The following BPHL variants were observed in gnomAD, a reference collection of about 807,000 sequenced individuals.
BPHL encodes the protein serine hydrolase BPHL.
Under a neutral mutation model 31.2 loss-of-function variants are expected in BPHL, and 27 were observed. That is an observed-to-expected ratio of 0.87 (90% CI 0.64 to 1.19). The LOEUF (loss-of-function observed/expected upper bound fraction) is 1.19. Among genes scored for constraint, BPHL ranks in the 50% most tolerant of loss-of-function variants. The pLI, the probability that BPHL is intolerant of heterozygous loss-of-function variation, is 0.00. For missense variants in BPHL, 356 were observed against 375.7 expected, an observed-to-expected ratio of 0.95 and a Z score of 0.43; for synonymous variants, 150 against 146.8, an observed-to-expected ratio of 1.02 and a Z score of -0.16.
At position 3,140,639 on chromosome 6, in the gene BPHL, C is replaced by G. The variant is rs1762150279; in HGVS notation, c.788+130C>G. 2.9e-6 allele frequency: 4 copies of G among 1,368,540 alleles called. No individual in the cohort carries two copies. The highest frequency in any genetic ancestry group is 3.0e-6 in the Non-Finnish European group (3 of 1,000,658). The allele number at this position is 1,368,540 out of a possible 1,614,324, so 84.8% of individuals were successfully genotyped here. A position where few individuals can be genotyped will look rare whatever the true frequency, so the allele number is the denominator to read the frequency against. On this transcript the variant is annotated intron_variant, in intron 6 of 6. Transcript: ENST00000380379. This position sits in a 1 kb window ranked among gnomAD's most constrained non-coding sequence, Gnocchi z 5.2. ...CAGCCCCCCTTTTGCCAATGCCAGT[C>G]AGTAGCACCGCTTTATTTAGGGTAC...
chr6:3,146,022 CCGAGTGCTGGTTCGGGT>C (rs1762337935), intron 6 of BPHL, among the ~76,000 whole-genome samples: 1 of 3,930 alleles, frequency 2.5e-4, no homozygotes, highest in African/African-American at 1.3e-3. Flanking sequence ...TGGTTCGGGT[CCGAGTGCTGGTTCGGGT>C]GGAGTGCTGG....
intron 1 of BPHL, among the ~76,000 whole-genome samples, chr6:3,121,291 C>CTTTTTT (rs67332286): frequency 1.5e-4 from 12 of 80,394 alleles, no homozygotes; most frequent in East Asian, 4.5e-4. Flanking sequence ...ATAGCAGTTT[C>CTTTTTT]TTTTTTTTTT....
chr6:3,134,155 A>G (rs991110290), intron 4 of BPHL, among the ~76,000 whole-genome samples: 1 of 152,236 alleles, frequency 6.6e-6, no homozygotes, highest in South Asian at 2.1e-4. Context: ...GTTTTTTGTT[A>G]TGTAATAATT....
chr6:3,121,402 C>T lies in BPHL; in HGVS notation c.108-2255C>T, dbSNP rs368141225. ...GTAATCTTCACCTCCCAGGTTCCAGCGATTCCCCTGCCTCAGCCTTCTGAG... is the reference window on the plus strand; with the variant it reads ...GTAATCTTCACCTCCCAGGTTCCAGTGATTCCCCTGCCTCAGCCTTCTGAG... On this transcript the variant is annotated intron_variant, in intron 1 of 6. Transcript: ENST00000380379. 1.0e-4 allele frequency among the ~76,000 whole-genome samples: 15 copies of T among 148,400 alleles called. No homozygotes were observed. The South Asian group carries it at 2.9e-3, about 29-fold the overall frequency.
At chr6:3,129,297 G>C in intron 4 of BPHL, 99 bp downstream of exon 4, 2 of 1,373,102 alleles carry the variant, frequency 1.5e-6, no homozygotes, top group Middle Eastern at 2.7e-4. Flanking sequence ...CACATCTCTC[G>C]TGCTTCTAGT....
intron 6 of BPHL, among the ~76,000 whole-genome samples, chr6:3,143,073 G>C (rs1270244200): frequency 1.3e-5 from 2 of 152,092 alleles, no homozygotes; most frequent in Admixed American, 1.3e-4. Context: ...ACAAAAATTA[G>C]CCAGACATGG....
chr6:3,146,522 CG>C (rs1762373115), intron 6 of BPHL, among the ~76,000 whole-genome samples: 1 of 13,278 alleles, frequency 7.5e-5, no homozygotes, highest in Non-Finnish European at 1.4e-4. Flanking sequence ...TGGTGTGGGT[CG>C]GAGTGCTGGT....
intron 6 of BPHL, among the ~76,000 whole-genome samples, chr6:3,151,181 G>A (rs180768791): frequency 6.6e-6 from 1 of 152,178 alleles, no homozygotes; most frequent in African/African-American, 2.4e-5. Flanking sequence ...TAGCCTATAC[G>A]TGACCTTCTA....
intron 6 of BPHL, among the ~76,000 whole-genome samples, chr6:3,145,910 TGGGTTGGAGTGCTGGTTC>T (rs1762331804): frequency 1.7e-5 from 1 of 60,558 alleles, no homozygotes; most frequent in African/African-American, 6.2e-5. Flanking sequence ...AGTGCTGGTT[TGGGTTGGAGTGCTGGTTC>T]GGGTTGGAGT....
intron 6 of BPHL, 85 bp from the exon 7 acceptor site, chr6:3,152,403 A>G (rs767830154): frequency 2.0e-5 from 23 of 1,141,284 alleles, no homozygotes; most frequent in Non-Finnish European, 3.0e-5. Context: ...TTCACTTTAG[A>G]TGTTTGTGAA....
In BPHL at chr6:3,140,398, G is replaced by C; in HGVS notation, c.677G>C (p.Arg226Pro). 1 of 1,614,034 alleles carries C rather than the reference G, an allele frequency of 6.2e-7. No homozygotes were observed. Among genetic ancestry groups the C allele is most frequent in the South Asian group, 1.1e-5 (1 of 91,068 alleles). The change falls in exon 6 of 7, where the codon CGG becomes CCG. Residue 226 changes from arginine to proline, a missense_variant. By Grantham distance (103) the Arg-to-Pro change is moderately radical. Coordinates refer to ENST00000380379, the MANE Select transcript of BPHL (RefSeq NM_004332.4). This position sits in a 1 kb window ranked among gnomAD's most constrained non-coding sequence, Gnocchi z 5.2. ...GTGTATCCGTCAGGTAACATCTGCCGGCACCTGCTGCCCCGGGTCCAGTGC... is the reference window on the plus strand; with the variant it reads ...GTGTATCCGTCAGGTAACATCTGCCCGCACCTGCTGCCCCGGGTCCAGTGC... The part of the protein sequence containing the change: ...FKHLPDGNIC[R>P]HLLPRVQCPA...
At chr6:3,145,752 T>C (rs1485165679) in intron 6 of BPHL, among the ~76,000 whole-genome samples, 1 of 45,016 alleles carries the variant, frequency 2.2e-5, no homozygotes, top group African/African-American at 8.7e-5. Flanking sequence ...AGTGCTGGTT[T>C]GGGTCGAGTG....
rs1174117881 is a variant in BPHL at position 3,129,090 on chromosome 6, G to A, written c.424G>A (p.Gly142Ser). Residue 142 changes from glycine to serine, a missense_variant, in exon 4 of 7, where the codon GGC (glycine) becomes AGC (serine). Coordinates refer to ENST00000380379, the MANE Select transcript of BPHL (RefSeq NM_004332.4). ...KVSLLGWSDG[G>S]ITALIAAAKY... Reference sequence around the variant, plus strand: ...TTCTCTGCTGGGGTGGAGTGATGGGGGCATAACCGCACTCATTGCTGCTGC... The same window carrying A: ...TTCTCTGCTGGGGTGGAGTGATGGGAGCATAACCGCACTCATTGCTGCTGC... 6.2e-7 allele frequency: 1 copy of A among 1,614,146 alleles called. No individual in the cohort carries two copies. The highest frequency in any genetic ancestry group is 1.7e-5 in the Admixed American group (1 of 59,998).
intron 6 of BPHL, among the ~76,000 whole-genome samples, chr6:3,147,138 G>A (rs1561801851): frequency 6.6e-6 from 1 of 152,158 alleles, no homozygotes; most frequent in Non-Finnish European, 1.5e-5. Flanking sequence ...GTATGCACCT[G>A]TAGTCCAAGC....
intron 6 of BPHL, among the ~76,000 whole-genome samples, chr6:3,144,224 C>T (rs565074965): frequency 6.6e-6 from 1 of 152,152 alleles, no homozygotes; most frequent in East Asian, 1.9e-4. Flanking sequence ...CCCACCACCA[C>T]GCCCGGCTAA....
Position 3,152,831 on chromosome 6 carries a change from A to G in BPHL, c.*256A>G. On this transcript the variant is annotated 3_prime_UTR_variant, in exon 7 of 7. Transcript: ENST00000380379. ...TGCCTGAGCCCAGGAGTTCAAGACC[A>G]GCTTGTGCAATATAGGGAGACTCCG... 1 of 343,586 alleles carries G rather than the reference A, an allele frequency of 2.9e-6. No homozygotes were observed. Among genetic ancestry groups the G allele is most frequent in the Non-Finnish European group, 5.3e-6 (1 of 188,528 alleles). The allele number at this position is 343,586 out of a possible 1,614,324, so 21.3% of individuals were successfully genotyped here. A position where few individuals can be genotyped will look rare whatever the true frequency, so the allele number is the denominator to read the frequency against.
In BPHL at chr6:3,153,020, C is replaced by T. The variant is rs532628238; in HGVS notation, c.*445C>T. 6.6e-6 allele frequency: 1 copy of T among 152,064 alleles called. No homozygotes were observed. The highest frequency in any genetic ancestry group is 2.1e-4 in the South Asian group (1 of 4,782). 9.4% of individuals were successfully genotyped at this position (152,064 alleles called of 1,614,324 possible). A position where few individuals can be genotyped will look rare whatever the true frequency, so the allele number is the denominator to read the frequency against. ...CTCCAACCTGGGCAACAGAGTAAGACCTTGTCTTAAAAAAAAATAAAAACA... is the reference window on the plus strand; with the variant it reads ...CTCCAACCTGGGCAACAGAGTAAGATCTTGTCTTAAAAAAAAATAAAAACA... On this transcript the variant is annotated 3_prime_UTR_variant, in exon 7 of 7. Transcript: ENST00000380379.
At chr6:3,138,059 AC>A in intron 5 of BPHL, 1 of 1,158,590 alleles carries the variant, frequency 8.6e-7, no homozygotes, top group Non-Finnish European at 1.1e-6. Flanking sequence ...TCACTCTGTC[AC>A]CAGGCTGGAA....
intron 1 of BPHL, among the ~76,000 whole-genome samples, chr6:3,119,132 CAG>C (rs1761485962): frequency 6.6e-6 from 1 of 152,216 alleles, no homozygotes; most frequent in East Asian, 1.9e-4. Flanking sequence ...GTGTGCAGAC[CAG>C]AGAGACCCAG....
Sources: allele counts gnomAD v4.1 joint callset (sites outside exome capture counted in the v4.1 genomes callset), GRCh38; gene constraint gnomAD v4.1.1; non-coding constraint Gnocchi (gnomAD v3.1); transcripts MANE v1.5; gene names NCBI Gene and HGNC (gene_info 2026-07-23, HGNC 2026-07-21).